The following NTM variants were observed in gnomAD, a reference collection of about 807,000 sequenced individuals.
NTM encodes neurotrimin.
A neutral mutation model predicts 42.1 loss-of-function variants in NTM; 13 were observed. The ratio of observed to expected loss-of-function variants is 0.31; its 90% CI spans 0.20 to 0.49. The LOEUF (loss-of-function observed/expected upper bound fraction) is 0.49, where lower values mean the gene tolerates loss of function less well. Ranked by LOEUF, NTM falls within the 20% of genes least tolerant of loss-of-function variation. The probability of loss-of-function intolerance (pLI) is 0.99; values close to 1 mark genes in which losing one functional copy is unlikely to be tolerated. For missense variants in NTM, 373 were observed against 452.8 expected, an observed-to-expected ratio of 0.82 and a Z score of 1.60; for synonymous variants, 187 against 179.2, an observed-to-expected ratio of 1.04 and a Z score of -0.35.
intron 1 of NTM, among the ~76,000 whole-genome samples, chr11:131,590,014 G>C (rs1241354691): frequency 6.6e-6 from 1 of 152,228 alleles, no homozygotes; most frequent in Non-Finnish European, 1.5e-5. Context: ...CAAGGAACTG[G>C]AACGTTCTCA....
chr11:132,253,022 A>G (rs536002916), intron 4 of NTM, among the ~76,000 whole-genome samples: 1 of 152,324 alleles, frequency 6.6e-6, no homozygotes, highest in African/African-American at 2.4e-5. Context: ...TACTTAGAAG[A>G]AAATGTTGAT....
chr11:131,494,523 G>T (rs1356677141), intron 1 of NTM, among the ~76,000 whole-genome samples: 1 of 152,210 alleles, frequency 6.6e-6, no homozygotes, highest in Non-Finnish European at 1.5e-5. Flanking sequence ...ATTTGCTGGG[G>T]CTGGGAGTTT....
intron 1 of NTM, among the ~76,000 whole-genome samples, chr11:131,459,420 C>T (rs1036952773): frequency 2.6e-5 from 4 of 151,986 alleles, no homozygotes; most frequent in Non-Finnish European, 4.4e-5. Context: ...AGAAGTAATA[C>T]GATAATACAG....
chr11:132,160,471 G>GCATA (rs1399104929), intron 3 of NTM, among the ~76,000 whole-genome samples: 1 of 152,184 alleles, frequency 6.6e-6, no homozygotes, highest in Non-Finnish European at 1.5e-5. Context: ...GAAGAAAGAT[G>GCATA]CATATATAGC....
At chr11:132,094,543 G>T (rs1374441460) in intron 2 of NTM, among the ~76,000 whole-genome samples, 1 of 152,172 alleles carries the variant, frequency 6.6e-6, no homozygotes, top group Non-Finnish European at 1.5e-5. Flanking sequence ...AAAAATGAAT[G>T]AGAGTGGCAT....
At chr11:131,541,500 T>TAGTCGATTTTGTGAGCTATGTAAAGTC (rs2053250638) in intron 1 of NTM, among the ~76,000 whole-genome samples, 2 of 152,202 alleles carry the variant, frequency 1.3e-5, no homozygotes, top group African/African-American at 2.4e-5. Flanking sequence ...TATGTAAACC[T>TAGTCGATTTTGTGAGCTATGTAAAGTC]AGTCGATTTT....
At chr11:132,117,540 G>A (rs575279204) in intron 2 of NTM, among the ~76,000 whole-genome samples, 7 of 152,302 alleles carry the variant, frequency 4.6e-5, no homozygotes, top group Admixed American at 1.3e-4. Flanking sequence ...TTTCATTAAT[G>A]TAATCAATGC....
At chr11:131,550,116 G>T (rs2054470034) in intron 1 of NTM, among the ~76,000 whole-genome samples, 1 of 152,202 alleles carries the variant, frequency 6.6e-6, no homozygotes, top group Non-Finnish European at 1.5e-5. Flanking sequence ...ATAATAACAG[G>T]ATGACAAGAA....
At chr11:131,744,287 G>C (rs1182884817) in intron 1 of NTM, among the ~76,000 whole-genome samples, 1 of 152,170 alleles carries the variant, frequency 6.6e-6, no homozygotes. Flanking sequence ...TAAAGGGACT[G>C]AATAATTGAC....
chr11:131,754,506 TCC>T (rs1420309722), intron 1 of NTM, among the ~76,000 whole-genome samples: 1 of 151,776 alleles, frequency 6.6e-6, no homozygotes, highest in African/African-American at 2.4e-5. Context: ...ATATCTGTAA[TCC>T]CAGCTACTTG....
chr11:131,457,566 A>T (rs1951007932), intron 1 of NTM, among the ~76,000 whole-genome samples: 1 of 152,236 alleles, frequency 6.6e-6, no homozygotes, highest in African/African-American at 2.4e-5. Context: ...TATGCCAGAA[A>T]TGATACTGCG....
chr11:132,280,512 G>T (rs1488514630), intron 4 of NTM, among the ~76,000 whole-genome samples: 1 of 120,014 alleles, frequency 8.3e-6, no homozygotes, highest in Non-Finnish European at 1.6e-5. Context: ...TTGAGATGGA[G>T]TCACGCCCTG....
At chr11:131,752,241 C>T (rs2082651973) in intron 1 of NTM, among the ~76,000 whole-genome samples, 2 of 152,204 alleles carry the variant, frequency 1.3e-5, no homozygotes, top group Admixed American at 6.5e-5. Flanking sequence ...TATGAACAGA[C>T]ACTTCTCTAA....
chr11:131,506,073 A>C (rs542769365), intron 1 of NTM, among the ~76,000 whole-genome samples: 77 of 152,120 alleles, frequency 5.1e-4, no homozygotes, highest in African/African-American at 1.7e-3. Context: ...AGGGGGAGAG[A>C]GAAGAGGATG....
chr11:131,524,371 A>T (rs1591931906), intron 1 of NTM, among the ~76,000 whole-genome samples: 1 of 152,148 alleles, frequency 6.6e-6, no homozygotes, highest in African/African-American at 2.4e-5. Context: ...TGGTGCTGAC[A>T]TGTGATCCCT....
intron 1 of NTM, among the ~76,000 whole-genome samples, chr11:131,452,312 A>G (rs1950547348): frequency 6.6e-6 from 1 of 152,190 alleles, no homozygotes; most frequent in South Asian, 2.1e-4. Context: ...TGGCACAGAC[A>G]CACTCTTTGC....
intron 1 of NTM, among the ~76,000 whole-genome samples, chr11:131,707,342 C>T (rs1208609508): frequency 2.0e-5 from 3 of 152,052 alleles, no homozygotes; most frequent in Admixed American, 2.0e-4. Flanking sequence ...TTTTTAAAGG[C>T]TGAATAGTAT....
chr11:132,104,443 T>C (rs1199816269), intron 2 of NTM, among the ~76,000 whole-genome samples: 1 of 151,932 alleles, frequency 6.6e-6, no homozygotes, highest in Admixed American at 6.6e-5. Context: ...GATACAAAAA[T>C]ACCCTAGCTC....
intron 1 of NTM, among the ~76,000 whole-genome samples, chr11:131,597,753 G>T (rs765794865): frequency 6.6e-6 from 1 of 152,204 alleles, no homozygotes; most frequent in Non-Finnish European, 1.5e-5. Flanking sequence ...ATTTCCTACC[G>T]TCGGTCTGTG....
Sources: allele counts gnomAD v4.1 joint callset (sites outside exome capture counted in the v4.1 genomes callset), GRCh38; gene constraint gnomAD v4.1.1; transcripts MANE v1.5; gene names NCBI Gene and HGNC (gene_info 2026-07-23, HGNC 2026-07-21).